The following TERT variants were observed in gnomAD, a reference collection of about 807,000 sequenced individuals.
TERT encodes telomerase reverse transcriptase.
Under a neutral mutation model 104.0 loss-of-function variants are expected in TERT, and 42 were observed. The observed-to-expected ratio is 0.40, with a 90% CI of 0.32 to 0.52. The LOEUF is 0.52. Among genes scored for constraint, TERT ranks in the 20% least tolerant of loss-of-function variants. The pLI is 0.43. For missense variants in TERT, 1,101 were observed against 1,610.3 expected, an observed-to-expected ratio of 0.68 and a Z score of 5.41; for synonymous variants, 781 against 725.6, an observed-to-expected ratio of 1.08 and a Z score of -1.23.
chr5:1,281,602 C>T (rs375551887), intron 3 of TERT, among the ~76,000 whole-genome samples: 4 of 152,188 alleles, frequency 2.6e-5, no homozygotes, highest in East Asian at 3.8e-4. Flanking sequence ...TCTCATCAGC[C>T]GAACATTGCA....
Position 1,287,502 on chromosome 5 carries a change from A to T in TERT, c.1574-4878T>A, listed in dbSNP as rs1189524351. Among the ~76,000 whole-genome samples the T allele has an allele frequency of 1.6e-5, 2 of 126,452 alleles. No homozygotes were observed. Among genetic ancestry groups the T allele is most frequent in the Non-Finnish European group, 3.3e-5 (2 of 60,996 alleles). The allele number at this position is 126,452 out of a possible 152,430, so 83.0% of individuals were successfully genotyped here. On this transcript the variant is annotated intron_variant, in intron 2 of 15. Coordinates refer to ENST00000310581, the MANE Select transcript of TERT (RefSeq NM_198253.3). This position sits in a 1 kb window ranked among gnomAD's most constrained non-coding sequence, Gnocchi z 4.3. ...GACAGACCAAGACTCTGTCTCAAAA[A>T]AAAAAAATATATATATATATATATA...
At position 1,253,286 on chromosome 5, in the gene TERT, C is replaced by A. The variant is rs1747458304; in HGVS notation, c.*442G>T. 2.7e-6 allele frequency: 1 copy of A among 372,526 alleles called. No homozygotes were observed. 23.1% of individuals were successfully genotyped at this position (372,526 alleles called of 1,614,324 possible). ...GGTCCTCGCCTGTGTACAGGGCACA[C>A]CTTTGGTCACTCCAAATTCCCAGAG... On this transcript the variant is annotated 3_prime_UTR_variant, in exon 16 of 16. Transcript: ENST00000310581.
In TERT at chr5:1,282,605, G is replaced by A. The variant is rs146462061; in HGVS notation, c.1593C>T (p.Ala531=). The change falls in exon 3 of 16, where the codon GCC becomes GCT. Residue 531 remains alanine (A), a synonymous_variant. Transcript: ENST00000310581. ...TCTCCTCACGCAGACGGTGCTCTGC[G>A]GCCGGAACACAGCCAACCCCTTAAA... ...RRSPGVGCVP[A]AEHRLREEIL... is the part of the protein sequence containing the mutation. 2.1e-5 allele frequency: 34 copies of A among 1,614,010 alleles called. No homozygotes were observed. Among genetic ancestry groups the A allele is most frequent in the South Asian group, 1.4e-4 (13 of 91,086 alleles).
Position 1,262,560 on chromosome 5 carries a change from G to A in TERT, c.2843+1844C>T, listed in dbSNP as rs1411869759. Among the ~76,000 whole-genome samples, 1 of 152,188 alleles carries A rather than the reference G, an allele frequency of 6.6e-6. No homozygotes were observed. The highest frequency in any genetic ancestry group is 1.5e-5 in the Non-Finnish European group (1 of 68,034). On this transcript the variant is annotated intron_variant, in intron 11 of 15. Transcript: ENST00000310581. The surrounding 1 kb of genome is among the most constrained non-coding windows in gnomAD (Gnocchi z 5.6). ...TTCACCCTGAGTATGGCGAACCACT[G>A]CCTCCACTGCTGAGCTTTTAGAGCC...
chr5:1,272,285 C>T lies in TERT; in HGVS notation c.2287-5G>A, dbSNP rs561426406. 7.9e-5 allele frequency: 127 copies of T among 1,608,982 alleles called. No individual in the cohort carries two copies. The highest frequency in any genetic ancestry group is 4.7e-4 in the South Asian group (42 of 90,250). On this transcript the variant is annotated splice_region_variant and splice_polypyrimidine_tract_variant and intron_variant, in intron 6 of 15. Coordinates refer to ENST00000310581, the MANE Select transcript of TERT (RefSeq NM_198253.3). The stretch of plus-strand genomic sequence containing the variant: ...GAGGTCTGTCAAGGTAGAGACCTGC[C>T]GGCAGAGGAGAGGGCATGAGCCACA...
At position 1,262,105 on chromosome 5, in the gene TERT, C is replaced by T. The variant is rs1748273952; in HGVS notation, c.2844-1505G>A. Among the ~76,000 whole-genome samples, 1 of 152,202 alleles carries T rather than the reference C, an allele frequency of 6.6e-6. No homozygotes were observed. The highest frequency in any genetic ancestry group is 2.4e-5 in the African/African-American group (1 of 41,444). On this transcript the variant is annotated intron_variant, in intron 11 of 15. Coordinates refer to ENST00000310581, the MANE Select transcript of TERT (RefSeq NM_198253.3). The surrounding 1 kb of genome is among the most constrained non-coding windows in gnomAD (Gnocchi z 5.6). ...CTGTGTGTCCTTCCCCAACACCAAA[C>T]CAGGGAACGTTCACCTCCCTTCCCT...
chr5:1,260,272 T>G (rs955912377), intron 12 of TERT, among the ~76,000 whole-genome samples: 1 of 152,236 alleles, frequency 6.6e-6, no homozygotes, highest in Non-Finnish European at 1.5e-5. Context: ...ACTTGTGCCC[T>G]TGCACACCTG....
rs896372052 is a variant in TERT, at chr5:1,255,183, GA to G, written c.3157+103del. ...GTTGGGTTAAACCACTTCCTGATGCGAAAAGGGGTAAGAACTTCCTAAGCCC... is the reference window on the plus strand; with the variant it reads ...GTTGGGTTAAACCACTTCCTGATGCGAAAGGGGTAAGAACTTCCTAAGCCC... On this transcript the variant is annotated intron_variant, in intron 14 of 15. Transcript: ENST00000310581. The surrounding 1 kb of genome is among the most constrained non-coding windows in gnomAD (Gnocchi z 6.9). 15 of 1,476,208 alleles carry G rather than the reference GA, an allele frequency of 1.0e-5. No homozygotes were observed. Among genetic ancestry groups the G allele is most frequent in the Non-Finnish European group, 1.3e-5 (14 of 1,080,818 alleles). The allele number at this position is 1,476,208 out of a possible 1,614,324, so 91.4% of individuals were successfully genotyped here.
chr5:1,294,170 C>G lies in TERT; in HGVS notation c.716G>C (p.Arg239Thr), dbSNP rs761042742. 6.3e-7 allele frequency: 1 copy of G among 1,582,470 alleles called. No homozygotes were observed. The highest frequency in any genetic ancestry group is 8.6e-7 in the Non-Finnish European group (1 of 1,167,790). ...CTCCGGCTCAGGGGCAGCGCCACGC[C>G]TGGGCCTCTTGGGCAACGGCAGACT... is the stretch of plus-strand genomic sequence containing the variant. The part of the protein sequence containing the change: ...SRSLPLPKRP[R>T]RGAAPEPERT... Residue 239 changes from arginine (R) to threonine (T), a missense_variant, in exon 2 of 16, where the codon AGG becomes ACG. This residue lies in a region of TERT where 504 missense variants were observed against 544.6 expected (regional missense o/e 0.93). Transcript: ENST00000310581.
At position 1,256,446 on chromosome 5, in the gene TERT, T is replaced by C. The variant is rs142531993; in HGVS notation, c.3033-1035A>G. 2.0e-5 allele frequency among the ~76,000 whole-genome samples: 3 copies of C among 146,808 alleles called. No homozygotes were observed. The highest frequency in any genetic ancestry group is 7.9e-5 in the African/African-American group (3 of 38,138). On this transcript the variant is annotated intron_variant, in intron 13 of 15. Coordinates refer to ENST00000310581, the MANE Select transcript of TERT (RefSeq NM_198253.3). This position sits in a 1 kb window ranked among gnomAD's most constrained non-coding sequence, Gnocchi z 7.0. ...GTGATCAGAGCCCCCGTGTACCTGG[T>C]CTGACCCTCTGCCTGAGCCCCCCGT...
chr5:1,274,257 C>T lies in TERT; in HGVS notation c.2287-1977G>A, dbSNP rs961920458. The stretch of plus-strand genomic sequence containing the variant: ...CCTGGAAGGCAGTAACAGGAAGGTA[C>T]ATGGGGCCTGCACCCTTCCCAACCC... On this transcript the variant is annotated intron_variant, in intron 6 of 15. Transcript: ENST00000310581. The surrounding 1 kb of genome is among the most constrained non-coding windows in gnomAD (Gnocchi z 5.3). Among the ~76,000 whole-genome samples, 69 of 152,346 alleles carry T rather than the reference C, an allele frequency of 4.5e-4. No homozygotes were observed. The highest frequency in any genetic ancestry group is 1.6e-3 in the African/African-American group (68 of 41,584).
rs1435463595 is a variant in TERT at position 1,272,408 on chromosome 5, C to T, written c.2287-128G>A. 4.7e-5 allele frequency: 42 copies of T among 889,474 alleles called. No individual in the cohort carries two copies. The Middle Eastern group carries it at 1.4e-3, about 31-fold the overall frequency. The allele number at this position is 889,474 out of a possible 1,614,324, so 55.1% of individuals were successfully genotyped here. ...CGATGGCGGGATGAAGCCCAGAGAG[C>T]GCCTGGGAAGCTTCTGTTTGGGAAA... is the stretch of plus-strand genomic sequence containing the variant. On this transcript the variant is annotated intron_variant, in intron 6 of 15. Transcript: ENST00000310581.
At chr5:1,271,019 G>A (rs1748989852) in intron 8 of TERT, 100 bp downstream of exon 8, 1 of 960,012 alleles carries the variant, frequency 1.0e-6, no homozygotes, top group South Asian at 1.4e-5. Context: ...GTGGCCCCGG[G>A]CAGAAGGGCA....
At position 1,263,704 on chromosome 5, in the gene TERT, C is replaced by G. The variant is rs1201869361; in HGVS notation, c.2843+700G>C. Among the ~76,000 whole-genome samples the G allele has an allele frequency of 6.6e-6, 1 of 152,210 alleles. No individual in the cohort carries two copies. The highest frequency in any genetic ancestry group is 6.5e-5 in the Admixed American group (1 of 15,278). On this transcript the variant is annotated intron_variant, in intron 11 of 15. Transcript: ENST00000310581. This position sits in a 1 kb window ranked among gnomAD's most constrained non-coding sequence, Gnocchi z 5.3. ...TATAGGTGTGAGCCACCTTGCCCTG[C>G]CTGGAATGTTGATACTTTTTATTCA...
Position 1,294,176 on chromosome 5 carries a change from C to T in TERT, c.710G>A (p.Arg237Lys), listed in dbSNP as rs1751214368. The T allele has an allele frequency of 1.9e-6, 3 of 1,582,852 alleles. No individual in the cohort carries two copies. Among genetic ancestry groups the T allele is most frequent in the Non-Finnish European group, 2.6e-6 (3 of 1,168,264 alleles). ...SASRSLPLPK[R>K]PRRGAAPEPE... ...CTCAGGGGCAGCGCCACGCCTGGGC[C>T]TCTTGGGCAACGGCAGACTTCGGCT... The change falls in exon 2 of 16, where the codon AGG (arginine) becomes AAG (lysine). Residue 237 changes from arginine to lysine, a missense_variant. By Grantham distance (26) the Arg-to-Lys change is conservative. Around this residue, in one of 5 missense-constraint regions of TERT, gnomAD observed 504 missense variants for 544.6 expected, o/e 0.93. Transcript: ENST00000310581.
In TERT at chr5:1,257,035, G is replaced by A. The variant is rs1747796332; in HGVS notation, c.3032+1563C>T. On this transcript the variant is annotated intron_variant, in intron 13 of 15. Coordinates refer to ENST00000310581, the MANE Select transcript of TERT (RefSeq NM_198253.3). The surrounding 1 kb of genome is among the most constrained non-coding windows in gnomAD (Gnocchi z 5.6). ...CTCCGTTCTCCCACTCCTGCCTCGA[G>A]GGAAGGGGATTCCTGGGCCTTCCAC... is the stretch of plus-strand genomic sequence containing the variant. 6.6e-6 allele frequency among the ~76,000 whole-genome samples: 1 copy of A among 152,184 alleles called. No homozygotes were observed. The highest frequency in any genetic ancestry group is 2.1e-4 in the South Asian group (1 of 4,828).
rs773202955 is a variant in TERT at position 1,294,248 on chromosome 5, G to A, written c.638C>T (p.Pro213Leu). Residue 213 changes from proline (P) to leucine (L), a missense_variant, in exon 2 of 16, where the codon CCC becomes CTC. Physicochemically the swap from Pro to Leu is moderately conservative, Grantham distance 98. Coordinates refer to ENST00000310581, the MANE Select transcript of TERT (RefSeq NM_198253.3). ...WNHSVREAGVPLGLPAPGARR... is the reference protein window; with the variant it reads ...WNHSVREAGVLLGLPAPGARR... ...CGCACCCGGGGCTGGCAGGCCCAGG[G>A]GGACCCCGGCCTCCCTGACGCTATG... 5.7e-6 allele frequency: 9 copies of A among 1,590,266 alleles called. 1 individual carries two copies. In the South Asian group the frequency reaches 1.0e-4, roughly 18 times the overall value.
chr5:1,286,340 G>A lies in TERT; in HGVS notation c.1574-3716C>T, dbSNP rs558304626. ...GACAAGGAAGGGGACCCCAGACGGCGGGCCTGAGACAGAAGACAGACGGGG... is the reference window on the plus strand; with the variant it reads ...GACAAGGAAGGGGACCCCAGACGGCAGGCCTGAGACAGAAGACAGACGGGG... On this transcript the variant is annotated intron_variant, in intron 2 of 15. Transcript: ENST00000310581. This position sits in a 1 kb window ranked among gnomAD's most constrained non-coding sequence, Gnocchi z 5.3. Among the ~76,000 whole-genome samples the A allele has an allele frequency of 6.6e-6, 1 of 152,294 alleles. No individual in the cohort carries two copies. Among genetic ancestry groups the A allele is most frequent in the African/African-American group, 2.4e-5 (1 of 41,570 alleles).
At chr5:1,289,507 G>A (rs1315000803) in intron 2 of TERT, among the ~76,000 whole-genome samples, 29 of 22,858 alleles carry the variant, frequency 1.3e-3, no homozygotes, top group African/African-American at 4.1e-3. Flanking sequence ...CGGGGACGGC[G>A]CCTCACTCAC....
Sources: gnomAD v4.1 joint callset for allele counts (sites outside exome capture counted in the v4.1 genomes callset) on GRCh38, gnomAD v4.1.1 for gene constraint, gnomAD v4.1.1 regional missense constraint, Gnocchi (gnomAD v3.1) non-coding constraint, MANE v1.5 for transcripts, NCBI Gene and HGNC (gene_info 2026-07-23, HGNC 2026-07-21) for gene names.